Variants in PLEKHA8 observed in about 807,000 individuals in gnomAD.
The protein encoded by PLEKHA8 is pleckstrin homology domain-containing family A member 8.
In PLEKHA8, 36 loss-of-function variants were observed where a neutral mutation model predicts 68.2. That is an observed-to-expected ratio of 0.53 (90% CI 0.40 to 0.70). The LOEUF is 0.70. Among genes scored for constraint, PLEKHA8 ranks in the 30% least tolerant of loss-of-function variants. The pLI is 0.00. For missense variants in PLEKHA8, 505 were observed against 615.4 expected (o/e 0.82, Z 1.90); for synonymous variants, 211 against 216.1 (o/e 0.98, Z 0.20).
intron 6 of PLEKHA8, among the ~76,000 whole-genome samples, chr7:30,051,064 T>A (rs1267408381): frequency 1.3e-5 from 2 of 152,128 alleles, no homozygotes; most frequent in Admixed American, 1.3e-4. Context: ...CATGCCTGGC[T>A]AATTTTTGTA....
At chr7:30,109,356 C>T (rs145046371) in intron 13 of PLEKHA8, among the ~76,000 whole-genome samples, 2,247 of 152,106 alleles carry the variant, frequency 0.015, 23 homozygotes, top group Non-Finnish European at 0.024. Flanking sequence ...CTTTGTGAGG[C>T]CTAGGCAGGT....
intron 9 of PLEKHA8, among the ~76,000 whole-genome samples, chr7:30,056,718 C>T (rs1792968925): frequency 1.1e-5 from 1 of 87,238 alleles, no homozygotes; most frequent in Non-Finnish European, 2.1e-5. Context: ...GACAGACAGC[C>T]TGTCTCAAAA....
intron 1 of PLEKHA8, 73 bp from the exon 2 acceptor site, chr7:30,045,012 T>A (rs1791836787): frequency 9.7e-7 from 1 of 1,029,950 alleles, no homozygotes; most frequent in Non-Finnish European, 1.5e-6. Flanking sequence ...TATGTTAGGC[T>A]CTATTTCTGT....
At chr7:30,063,739 A>C (rs376036061) in intron 12 of PLEKHA8, among the ~76,000 whole-genome samples, 2 of 152,300 alleles carry the variant, frequency 1.3e-5, no homozygotes, top group South Asian at 4.2e-4. Context: ...AACAATGTAG[A>C]CTTCATAAAC....
intron 1 of PLEKHA8, among the ~76,000 whole-genome samples, chr7:30,036,523 G>T (rs144499045): frequency 6.6e-6 from 1 of 152,116 alleles, no homozygotes; most frequent in East Asian, 1.9e-4. Context: ...GACATACCTG[G>T]ATGTTATGAG....
At chr7:30,102,557 G>A (rs975673307) in intron 13 of PLEKHA8, among the ~76,000 whole-genome samples, 2 of 152,202 alleles carry the variant, frequency 1.3e-5, no homozygotes, top group African/African-American at 4.8e-5. Flanking sequence ...TAAACAAAAT[G>A]TGGTATATAC....
Position 30,080,494 on chromosome 7 carries a change from T to C in PLEKHA8, c.*1707T>C. ...GATCTCTAGGATGGAGAGAATTCTCTCTTTAGTCAGAGAAGTTTATGTAGG... is the reference window on the plus strand; with the variant it reads ...GATCTCTAGGATGGAGAGAATTCTCCCTTTAGTCAGAGAAGTTTATGTAGG... On this transcript the variant is annotated 3_prime_UTR_variant, in exon 14 of 14. Transcript: ENST00000449726. 4.1e-6 allele frequency: 4 copies of C among 985,390 alleles called. No homozygotes were observed. The highest frequency in any genetic ancestry group is 3.6e-6 in the Non-Finnish European group (3 of 829,916). 61.0% of individuals were successfully genotyped at this position (985,390 alleles called of 1,614,324 possible).
intron 13 of PLEKHA8, chr7:30,115,874 A>T (rs542089525): frequency 6.9e-6 from 1 of 144,244 alleles, no homozygotes; most frequent in African/African-American, 2.5e-5. Flanking sequence ...ACATACATGT[A>T]GGCACGCATA....
In PLEKHA8 at chr7:30,049,336, G is replaced by T. The variant is rs201994634; in HGVS notation, c.551G>T (p.Arg184Leu). 6.2e-7 allele frequency: 1 copy of T among 1,614,100 alleles called. No individual in the cohort carries two copies. Among genetic ancestry groups the T allele is most frequent in the Non-Finnish European group, 8.5e-7 (1 of 1,180,010 alleles). ...NAAFTSELLY[R>L]TPPGSPQLAM... ...GCCTTCACCTCTGAGCTGCTCTACC[G>T]CACTCCACCAGGATCACCTCAGCTG... Residue 184 changes from arginine to leucine, a missense_variant, in exon 5 of 14, where the codon CGC (arginine) becomes CTC (leucine). Transcript: ENST00000449726.
chr7:30,068,911 G>A (rs1305309047), intron 12 of PLEKHA8, among the ~76,000 whole-genome samples: 1 of 152,040 alleles, frequency 6.6e-6, no homozygotes, highest in African/African-American at 2.4e-5. Context: ...GTGTAAGGTG[G>A]GGATATAATT....
At chr7:30,055,883 C>T (rs541525563) in intron 9 of PLEKHA8, among the ~76,000 whole-genome samples, 12 of 151,800 alleles carry the variant, frequency 7.9e-5, no homozygotes, top group Admixed American at 5.3e-4. Flanking sequence ...TTGGAACACC[C>T]GGGCTCAAGT....
At chr7:30,111,105 A>T (rs1796259232) in intron 13 of PLEKHA8, among the ~76,000 whole-genome samples, 13 of 151,924 alleles carry the variant, frequency 8.6e-5, no homozygotes, top group Admixed American at 8.5e-4. Flanking sequence ...GAGTTTCATC[A>T]CATTGGCAGG....
At chr7:30,122,333 T>C (rs768751077) in intron 13 of PLEKHA8, among the ~76,000 whole-genome samples, 2 of 152,184 alleles carry the variant, frequency 1.3e-5, no homozygotes, top group Non-Finnish European at 2.9e-5. Context: ...TCCACTGGGC[T>C]TTTTTCCCCC....
chr7:30,078,886 C>T lies in PLEKHA8; in HGVS notation c.*99C>T. The stretch of plus-strand genomic sequence containing the variant: ...CAACAGCCTCAACCCTCTCCAACCC[C>T]TTCACCTGGGGGGATGGACAGGAGG... On this transcript the variant is annotated 3_prime_UTR_variant, in exon 14 of 14. Transcript: ENST00000449726. The T allele has an allele frequency of 6.8e-7, 1 of 1,474,440 alleles. No homozygotes were observed. The highest frequency in any genetic ancestry group is 9.0e-7 in the Non-Finnish European group (1 of 1,114,104). 91.3% of individuals were successfully genotyped at this position (1,474,440 alleles called of 1,614,324 possible).
chr7:30,080,243 C>T lies in PLEKHA8; in HGVS notation c.*1456C>T. 3 of 985,398 alleles carry T rather than the reference C, an allele frequency of 3.0e-6. No homozygotes were observed. Among genetic ancestry groups the T allele is most frequent in the Non-Finnish European group, 3.6e-6 (3 of 829,912 alleles). 61.0% of individuals were successfully genotyped at this position (985,398 alleles called of 1,614,324 possible). ...CATAAAACAATATTGAGTGGGCATT[C>T]TTCTGCACAGTGTGATGCTCCAACC... is the stretch of plus-strand genomic sequence containing the variant. On this transcript the variant is annotated 3_prime_UTR_variant, in exon 14 of 14. Transcript: ENST00000449726.
chr7:30,119,569 A>G (rs909317090), intron 13 of PLEKHA8, among the ~76,000 whole-genome samples: 2 of 152,250 alleles, frequency 1.3e-5, no homozygotes, highest in Admixed American at 6.5e-5. Flanking sequence ...TCTCCATTCA[A>G]TTGCAGCAGA....
At position 30,084,618 on chromosome 7, in the gene PLEKHA8, T is replaced by G; in HGVS notation, c.*5831T>G. ...TTGAAAATATCTGTCAGATTTTATA[T>G]TCGTTAGTTATAATAAACTTATTTT... On this transcript the variant is annotated 3_prime_UTR_variant, in exon 14 of 14. Coordinates refer to ENST00000449726, the MANE Select transcript of PLEKHA8 (RefSeq NM_001197026.2). 2.1e-6 allele frequency: 2 copies of G among 937,156 alleles called. No homozygotes were observed. The highest frequency in any genetic ancestry group is 2.5e-6 in the Non-Finnish European group (2 of 786,184). 58.1% of individuals were successfully genotyped at this position (937,156 alleles called of 1,614,324 possible). A position where few individuals can be genotyped will look rare whatever the true frequency, so the allele number is the denominator to read the frequency against.
In PLEKHA8 at chr7:30,082,297, G is replaced by A. The variant is rs555082021; in HGVS notation, c.*3510G>A. 3.2e-5 allele frequency: 32 copies of A among 985,542 alleles called. No individual in the cohort carries two copies. The South Asian group carries it at 1.2e-3, about 36-fold the overall frequency. 61.0% of individuals were successfully genotyped at this position (985,542 alleles called of 1,614,324 possible). A position where few individuals can be genotyped will look rare whatever the true frequency, so the allele number is the denominator to read the frequency against. The stretch of plus-strand genomic sequence containing the variant: ...TCTTTGCTACTGAAAATTGCCAGCA[G>A]TACCGCCATCAGCACACCAAATCTA... On this transcript the variant is annotated 3_prime_UTR_variant, in exon 14 of 14. Coordinates refer to ENST00000449726, the MANE Select transcript of PLEKHA8 (RefSeq NM_001197026.2).
intron 12 of PLEKHA8, among the ~76,000 whole-genome samples, chr7:30,071,044 A>C (rs1279452034): frequency 6.6e-6 from 1 of 152,212 alleles, no homozygotes; most frequent in African/African-American, 2.4e-5. Context: ...ACAGGGGGAA[A>C]AAACTAGCAG....
Sources: allele counts gnomAD v4.1 joint callset (sites outside exome capture counted in the v4.1 genomes callset), GRCh38; gene constraint gnomAD v4.1.1; transcripts MANE v1.5; gene names NCBI Gene and HGNC (gene_info 2026-07-23, HGNC 2026-07-21).